SLC25A13: variants seen among roughly 807,000 people sequenced by gnomAD.
SLC25A13 encodes the protein electrogenic aspartate/glutamate antiporter SLC25A13, mitochondrial.
Under a neutral mutation model 85.5 loss-of-function variants are expected in SLC25A13, and 70 were observed. That is an observed-to-expected ratio of 0.82 (90% CI 0.68 to 1.00). SLC25A13 has a LOEUF of 1.00. Ranked by LOEUF, SLC25A13 falls within the 50% of genes least tolerant of loss-of-function variation. SLC25A13 has a pLI of 0.00. For synonymous variants in SLC25A13, 259 were observed against 288.7 expected (o/e 0.90, Z 1.04); for missense variants, 765 against 819.8 (o/e 0.93, Z 0.82).
intron 10 of SLC25A13, 74 bp from the exon 11 acceptor site, chr7:96,184,509 A>G (rs1794546898): frequency 2.1e-6 from 3 of 1,423,624 alleles, no homozygotes; most frequent in Non-Finnish European, 2.9e-6. Flanking sequence ...AGTTAAAGTC[A>G]AGGACAAGAC....
chr7:96,307,483 T>C (rs1446171179), intron 1 of SLC25A13, among the ~76,000 whole-genome samples: 1 of 151,634 alleles, frequency 6.6e-6, no homozygotes, highest in Non-Finnish European at 1.5e-5. Flanking sequence ...GGAGGACTGT[T>C]GGTTGAGACC....
chr7:96,191,361 A>G, intron 6 of SLC25A13, 114 bp from the exon 7 acceptor site: 3 of 1,097,306 alleles, frequency 2.7e-6, no homozygotes, highest in Non-Finnish European at 4.0e-6. Context: ...ATGTACAAGA[A>G]GAAATGACTA....
intron 4 of SLC25A13, among the ~76,000 whole-genome samples, chr7:96,224,916 C>T (rs949013089): frequency 6.6e-6 from 1 of 152,134 alleles, no homozygotes. Flanking sequence ...GATCAGGCTG[C>T]TCTCCCAGCT....
intron 2 of SLC25A13, among the ~76,000 whole-genome samples, chr7:96,291,675 T>A (rs1799125097): frequency 6.6e-6 from 1 of 152,126 alleles, no homozygotes; most frequent in African/African-American, 2.4e-5. Context: ...CTAGAAAATC[T>A]AGAAGAAATG....
intron 3 of SLC25A13, among the ~76,000 whole-genome samples, chr7:96,266,910 T>C (rs1281827393): frequency 1.3e-5 from 2 of 152,228 alleles, no homozygotes; most frequent in Non-Finnish European, 2.9e-5. Context: ...GTCTGATGAC[T>C]AAGAAGAAAA....
At chr7:96,162,369 G>A (rs1425985990) in intron 13 of SLC25A13, among the ~76,000 whole-genome samples, 1 of 152,074 alleles carries the variant, frequency 6.6e-6, no homozygotes, top group African/African-American at 2.4e-5. Flanking sequence ...ATACTATTCA[G>A]GGCAAACTTA....
intron 3 of SLC25A13, among the ~76,000 whole-genome samples, chr7:96,254,516 A>G (rs563183113): frequency 9.8e-5 from 15 of 152,366 alleles, no homozygotes; most frequent in South Asian, 2.1e-4. Context: ...TTTATTATTT[A>G]CATGTACATT....
chr7:96,168,119 A>AAAAAAAAAAAAAC (rs1793842210), intron 13 of SLC25A13, among the ~76,000 whole-genome samples: 1 of 143,036 alleles, frequency 7.0e-6, no homozygotes, highest in Non-Finnish European at 1.5e-5. Context: ...AAAAAAAAAA[A>AAAAAAAAAAAAAC]AAAAAAAAAA....
At chr7:96,255,616 G>A (rs34903220) in intron 3 of SLC25A13, among the ~76,000 whole-genome samples, 82,869 of 151,940 alleles carry the variant, frequency 0.55, 23,998 homozygotes, top group Non-Finnish European at 0.64. Context: ...GAGCCCAGGC[G>A]GTTGAGGCTG....
intron 4 of SLC25A13, among the ~76,000 whole-genome samples, chr7:96,213,557 G>C (rs763798114): frequency 3.3e-5 from 5 of 152,062 alleles, no homozygotes; most frequent in Non-Finnish European, 5.9e-5. Context: ...CACCAAACCC[G>C]TACCATTCCC....
At position 96,189,341 on chromosome 7, in the gene SLC25A13, G is replaced by C; in HGVS notation, c.886C>G (p.Leu296Val). Residue 296 changes from leucine (L) to valine (V), a missense_variant, in exon 9 of 18, where the codon CTG becomes GTG. By Grantham distance (32) the Leu-to-Val change is conservative (BLOSUM62 1). Transcript: ENST00000265631. ...TTAAAGGGCAGAGTTCCCTCTTCCA[G>C]AGGAGCAATCCGTTCAATGTCTGCT... ...TLADIERIAP[L>V]EEGTLPFNLA... is the part of the protein sequence containing the mutation. 6.2e-7 allele frequency: 1 copy of C among 1,614,180 alleles called. No individual in the cohort carries two copies. The highest frequency in any genetic ancestry group is 8.5e-7 in the Non-Finnish European group (1 of 1,180,024).
chr7:96,301,179 A>G (rs567246192), intron 1 of SLC25A13, among the ~76,000 whole-genome samples: 1 of 152,336 alleles, frequency 6.6e-6, no homozygotes, highest in South Asian at 2.1e-4. Context: ...TTTGCATCAC[A>G]TAAGCTTGGG....
chr7:96,249,252 C>G (rs1015851685), intron 3 of SLC25A13, among the ~76,000 whole-genome samples: 1 of 152,248 alleles, frequency 6.6e-6, no homozygotes, highest in Non-Finnish European at 1.5e-5. Context: ...ATTCCCACCT[C>G]TATTCCCAAT....
chr7:96,209,132 C>T (rs1013264239), intron 4 of SLC25A13, among the ~76,000 whole-genome samples, 155 bp from the exon 5 acceptor site: 10 of 151,558 alleles, frequency 6.6e-5, no homozygotes, highest in African/African-American at 2.2e-4. Flanking sequence ...AATAAAAGAA[C>T]CCTCAAGGAA....
Position 96,221,903 on chromosome 7 carries a change from A to C in SLC25A13, c.328+12899T>G, listed in dbSNP as rs112633014. ...CCAAACAATTACATCCACATCAGAG[A>C]ATTAACTAACTGAGGACTCGCTTAG... On this transcript the variant is annotated intron_variant, in intron 4 of 17. Coordinates refer to ENST00000265631, the MANE Select transcript of SLC25A13 (RefSeq NM_014251.3). 3.5e-3 allele frequency among the ~76,000 whole-genome samples: 540 copies of C among 152,326 alleles called. 2 individuals carry two copies. Among genetic ancestry groups the C allele is most frequent in the African/African-American group, 0.012 (506 of 41,560 alleles).
At chr7:96,232,328 ATGT>A (rs1796571402) in intron 4 of SLC25A13, among the ~76,000 whole-genome samples, 1 of 152,156 alleles carries the variant, frequency 6.6e-6, no homozygotes, top group Non-Finnish European at 1.5e-5. Flanking sequence ...TAGCAAACTA[ATGT>A]GGGAACAGAA....
intron 13 of SLC25A13, among the ~76,000 whole-genome samples, chr7:96,167,623 A>G (rs1297760236): frequency 6.6e-6 from 1 of 152,250 alleles, no homozygotes; most frequent in African/African-American, 2.4e-5. Context: ...GTCAACACCT[A>G]GCAATGCTTG....
At chr7:96,172,819 C>T (rs1430876564) in intron 11 of SLC25A13, among the ~76,000 whole-genome samples, 2 of 152,002 alleles carry the variant, frequency 1.3e-5, no homozygotes, top group East Asian at 1.9e-4. Context: ...AGTGCAGTGG[C>T]GCGATCTCGG....
chr7:96,269,228 T>G (rs886500072), intron 3 of SLC25A13, among the ~76,000 whole-genome samples: 1 of 152,138 alleles, frequency 6.6e-6, no homozygotes, highest in African/African-American at 2.4e-5. Context: ...AGCTCCAACA[T>G]GGAAGGCTGA....
Sources: gnomAD v4.1 joint callset for allele counts (sites outside exome capture counted in the v4.1 genomes callset) on GRCh38, gnomAD v4.1.1 for gene constraint, MANE v1.5 for transcripts, NCBI Gene and HGNC (gene_info 2026-07-23, HGNC 2026-07-21) for gene names.